CDC42BPA: variants seen among roughly 807,000 people sequenced by gnomAD.
CDC42BPA encodes the protein serine/threonine-protein kinase MRCK alpha.
A neutral mutation model predicts 223.5 loss-of-function variants in CDC42BPA; 80 were observed. The observed-to-expected ratio is 0.36, with a 90% confidence interval of 0.30 to 0.43. CDC42BPA has a LOEUF of 0.43. Ranked by LOEUF, CDC42BPA falls within the 20% of genes least tolerant of loss-of-function variation. The pLI is 1.00. For missense variants in CDC42BPA, 1,743 were observed against 2,099.9 expected (o/e 0.83, Z 3.32); for synonymous variants, 694 against 718.6 (o/e 0.97, Z 0.55).
intron 1 of CDC42BPA, among the ~76,000 whole-genome samples, chr1:227,270,021 T>C (rs1253404532): frequency 6.6e-6 from 1 of 152,128 alleles, no homozygotes; most frequent in Non-Finnish European, 1.5e-5. Context: ...AACTGGAAAC[T>C]ACCTAGGAAA....
chr1:227,277,540 C>G lies in CDC42BPA; in HGVS notation c.179-23385G>C, dbSNP rs567436410. Among the ~76,000 whole-genome samples, 4 of 152,266 alleles carry G rather than the reference C, an allele frequency of 2.6e-5. No individual in the cohort carries two copies. In the South Asian group the frequency reaches 8.3e-4, roughly 32 times the overall value. ...TAAATCAAATCCAGAAATACGTTATCCATCACAATCAAGATGAGTTTAATC... is the reference window on the plus strand; with the variant it reads ...TAAATCAAATCCAGAAATACGTTATGCATCACAATCAAGATGAGTTTAATC... On this transcript the variant is annotated intron_variant, in intron 1 of 36. Coordinates refer to ENST00000366766, the MANE Select transcript of CDC42BPA (RefSeq NM_001394014.1).
In CDC42BPA at chr1:227,318,024, G is replaced by T. The variant is rs778867729; in HGVS notation, c.-842C>A. On this transcript the variant is annotated 5_prime_UTR_variant, in exon 1 of 37. Transcript: ENST00000366766. ...CGGGCTCCGGAGAAGCGGCTACTTG[G>T]CCGCCCGAGCCCACTCCATGTCGGT... 1.1e-3 allele frequency: 392 copies of T among 360,246 alleles called. No homozygotes were observed. The highest frequency in any genetic ancestry group is 1.7e-3 in the Non-Finnish European group (347 of 202,338). The allele number at this position is 360,246 out of a possible 1,614,324, so 22.3% of individuals were successfully genotyped here. A position where few individuals can be genotyped will look rare whatever the true frequency, so the allele number is the denominator to read the frequency against.
intron 7 of CDC42BPA, 98 bp from the exon 8 acceptor site, chr1:227,145,835 A>C: frequency 1.1e-6 from 1 of 889,442 alleles, no homozygotes; most frequent in East Asian, 2.7e-5. Flanking sequence ...TTTTATTTTA[A>C]ATATATCTAA....
intron 1 of CDC42BPA, among the ~76,000 whole-genome samples, chr1:227,281,741 G>C (rs1324455960): frequency 6.6e-6 from 1 of 152,184 alleles, no homozygotes; most frequent in Non-Finnish European, 1.5e-5. Flanking sequence ...GACAAAGCAT[G>C]AGGCTGAGCA....
chr1:227,001,593 A>T (rs1662860327), intron 35 of CDC42BPA, among the ~76,000 whole-genome samples: 1 of 152,188 alleles, frequency 6.6e-6, no homozygotes, highest in South Asian at 2.1e-4. Flanking sequence ...CTTGATGCAA[A>T]TTCATGTGAT....
At chr1:227,298,884 AAC>A (rs747915178) in intron 1 of CDC42BPA, among the ~76,000 whole-genome samples, 2 of 152,208 alleles carry the variant, frequency 1.3e-5, no homozygotes, top group Non-Finnish European at 2.9e-5. Flanking sequence ...AGCTGAACAA[AAC>A]ACACTGCTCA....
In CDC42BPA at chr1:227,167,747, T is replaced by C. The variant is rs1431613329; in HGVS notation, c.600-7111A>G. Among the ~76,000 whole-genome samples, 3 of 152,200 alleles carry C rather than the reference T, an allele frequency of 2.0e-5. No individual in the cohort carries two copies. In the East Asian group the frequency reaches 5.8e-4, roughly 29 times the overall value. ...TTGCTTTAAGCAGTCATATGGTTTG[T>C]GAAGAAATTAGTAAGAATAAAAAAT... On this transcript the variant is annotated intron_variant, in intron 5 of 36. Coordinates refer to ENST00000366766, the MANE Select transcript of CDC42BPA (RefSeq NM_001394014.1).
Position 227,290,175 on chromosome 1 carries a change from C to T in CDC42BPA, c.178+26830G>A, listed in dbSNP as rs185842239. On this transcript the variant is annotated intron_variant, in intron 1 of 36. Coordinates refer to ENST00000366766, the MANE Select transcript of CDC42BPA (RefSeq NM_001394014.1). The stretch of plus-strand genomic sequence containing the variant: ...TTTCCCACTATGCCTCAACTGCACC[C>T]AAGTACTATGCTCCAAGCACATGCC... Among the ~76,000 whole-genome samples, 278 of 152,296 alleles carry T rather than the reference C, an allele frequency of 1.8e-3. 1 individual carries two copies. Among genetic ancestry groups the T allele is most frequent in the Admixed American group, 4.3e-3 (66 of 15,290 alleles).
chr1:227,074,392 A>C lies in CDC42BPA; in HGVS notation c.2481-28T>G, dbSNP rs773661350. ...AGAATATATAAAGACAAAGTACAAA[A>C]GTAAAACAAAAAAGCTTCAGTGCAA... is the stretch of plus-strand genomic sequence containing the variant. On this transcript the variant is annotated intron_variant, in intron 17 of 36. Transcript: ENST00000366766. 10 of 1,541,318 alleles carry C rather than the reference A, an allele frequency of 6.5e-6. No individual in the cohort carries two copies. The East Asian group carries it at 1.4e-4, about 21-fold the overall frequency.
In CDC42BPA at chr1:227,016,213, T is replaced by G. The variant is rs1278171871; in HGVS notation, c.4740-16A>C. The stretch of plus-strand genomic sequence containing the variant: ...TAGCATTTCCCTGTAAGACAAGGCA[T>G]CTGTTTAGATACTTTTTCCACAGTT... On this transcript the variant is annotated splice_polypyrimidine_tract_variant and intron_variant, in intron 33 of 36. Transcript: ENST00000366766. 2 of 1,292,842 alleles carry G rather than the reference T, an allele frequency of 1.5e-6. No individual in the cohort carries two copies. Among genetic ancestry groups the G allele is most frequent in the Admixed American group, 3.4e-5 (2 of 59,396 alleles). 80.1% of individuals were successfully genotyped at this position (1,292,842 alleles called of 1,614,324 possible).
chr1:227,246,001 CT>C (rs1172568165), intron 2 of CDC42BPA, among the ~76,000 whole-genome samples: 3 of 152,170 alleles, frequency 2.0e-5, no homozygotes, highest in African/African-American at 7.2e-5. Flanking sequence ...AAAAGGCAGG[CT>C]TTTCAGATCC....
chr1:227,072,818 A>G (rs12139758), intron 19 of CDC42BPA, among the ~76,000 whole-genome samples: 96,107 of 151,780 alleles, frequency 0.63, 30,585 homozygotes, highest in East Asian at 0.74. Flanking sequence ...TGTCCTAGGC[A>G]TAAGGAGAAA....
At chr1:227,194,513 G>A (rs1283814322) in intron 4 of CDC42BPA, among the ~76,000 whole-genome samples, 1 of 152,096 alleles carries the variant, frequency 6.6e-6, no homozygotes, top group Non-Finnish European at 1.5e-5. Flanking sequence ...ATCAGAATGG[G>A]CTTTTCTCAG....
intron 1 of CDC42BPA, among the ~76,000 whole-genome samples, chr1:227,284,698 C>T (rs1325193122): frequency 6.6e-6 from 1 of 152,154 alleles, no homozygotes; most frequent in African/African-American, 2.4e-5. Context: ...GGATTAATTA[C>T]ATCTGTAATC....
intron 15 of CDC42BPA, among the ~76,000 whole-genome samples, chr1:227,094,095 A>G (rs1683554617): frequency 6.6e-6 from 1 of 152,258 alleles, no homozygotes; most frequent in Admixed American, 6.5e-5. Context: ...GACTAGATAT[A>G]AAAGCAATGA....
At chr1:227,200,530 T>A (rs1241955871) in intron 3 of CDC42BPA, among the ~76,000 whole-genome samples, 1 of 143,012 alleles carries the variant, frequency 7.0e-6, no homozygotes. Context: ...CAATTTGATT[T>A]TTTTTTTTTC....
At chr1:227,275,857 G>T (rs1043277421) in intron 1 of CDC42BPA, among the ~76,000 whole-genome samples, 1 of 152,198 alleles carries the variant, frequency 6.6e-6, no homozygotes, top group African/African-American at 2.4e-5. Flanking sequence ...GCCCGCCTGG[G>T]CCTCCCGAGG....
intron 2 of CDC42BPA, among the ~76,000 whole-genome samples, chr1:227,233,157 A>G (rs1248150321): frequency 1.3e-5 from 2 of 151,934 alleles, no homozygotes; most frequent in African/African-American, 2.4e-5. Flanking sequence ...TGCAGACTGG[A>G]GCTGTTCCTA....
intron 16 of CDC42BPA, among the ~76,000 whole-genome samples, chr1:227,091,601 T>G (rs561630396): frequency 9.1e-6 from 1 of 110,186 alleles, no homozygotes; most frequent in South Asian, 3.4e-4. Flanking sequence ...GGTATTCCTT[T>G]ATAGTAACCC....
Sources: gnomAD v4.1 joint callset for allele counts (sites outside exome capture counted in the v4.1 genomes callset) on GRCh38, gnomAD v4.1.1 for gene constraint, MANE v1.5 for transcripts, NCBI Gene and HGNC (gene_info 2026-07-23, HGNC 2026-07-21) for gene names.